Variants in TJP1 observed in about 807,000 individuals in gnomAD.
TJP1 encodes the protein tight junction protein ZO-1.
In TJP1, 43 loss-of-function variants were observed where a neutral mutation model predicts 194.2. The observed-to-expected ratio is 0.22, with a 90% CI of 0.17 to 0.29. TJP1 has a LOEUF of 0.29. TJP1 is among the 10% of genes least tolerant of loss of function. The pLI is 1.00. For missense variants in TJP1, 1,971 were observed against 2,185.7 expected (o/e 0.90, Z 1.96); for synonymous variants, 801 against 779.0 (o/e 1.03, Z -0.47).
At chr15:29,922,505 C>T (rs2054397799) in intron 2 of TJP1, among the ~76,000 whole-genome samples, 1 of 152,062 alleles carries the variant, frequency 6.6e-6, no homozygotes. Flanking sequence ...TTTTAAGTTT[C>T]TAAGAAAATC....
intron 2 of TJP1, among the ~76,000 whole-genome samples, chr15:29,923,639 A>G (rs1392777950): frequency 1.3e-5 from 2 of 152,208 alleles, no homozygotes; most frequent in Non-Finnish European, 2.9e-5. Flanking sequence ...TAGTGGTTGC[A>G]GACTTGGGAT....
At chr15:29,717,816 AAGATTTGTC>A (rs1306083185) in intron 22 of TJP1, among the ~76,000 whole-genome samples, 196 bp downstream of exon 22, 1 of 152,184 alleles carries the variant, frequency 6.6e-6, no homozygotes, top group Non-Finnish European at 1.5e-5. Flanking sequence ...TAAAGGTATA[AAGATTTGTC>A]AGATTTGTCA....
intron 27 of TJP1, among the ~76,000 whole-genome samples, chr15:29,702,899 G>T (rs184168846): frequency 2.6e-5 from 4 of 151,994 alleles, no homozygotes; most frequent in African/African-American, 9.6e-5. Context: ...AGATTTGGAA[G>T]CTAGACTTTA....
chr15:29,732,778 T>C lies in TJP1; in HGVS notation c.1774A>G (p.Lys592Glu). The change falls in exon 14 of 28, where the codon AAA becomes GAA. Residue 592 changes from lysine to glutamate, a missense_variant. Coordinates refer to ENST00000614355, the MANE Select transcript of TJP1 (RefSeq NM_001330239.4). ...TCAGCACGGTCTCCGCCTGCTGTTT[T>C]TGGAAGTGTATACTGTACACTGGCT... is the stretch of plus-strand genomic sequence containing the variant. Reference protein sequence around the residue: ...QLASVQYTLPKTAGGDRADFW... With the variant: ...QLASVQYTLPETAGGDRADFW... 6.2e-7 allele frequency: 1 copy of C among 1,613,818 alleles called. No individual in the cohort carries two copies.
chr15:29,909,011 T>G (rs2053923680), intron 2 of TJP1, among the ~76,000 whole-genome samples: 1 of 151,100 alleles, frequency 6.6e-6, no homozygotes, highest in South Asian at 2.1e-4. Flanking sequence ...AAAAAAATTA[T>G]CCGGGTGTGG....
intron 2 of TJP1, among the ~76,000 whole-genome samples, chr15:29,889,910 G>A (rs553503807): frequency 1.3e-5 from 2 of 152,302 alleles, no homozygotes; most frequent in African/African-American, 4.8e-5. Flanking sequence ...CTAACCACAG[G>A]AAAATGGTTA....
At chr15:29,752,056 G>A (rs2045319891) in intron 8 of TJP1, among the ~76,000 whole-genome samples, 1 of 151,566 alleles carries the variant, frequency 6.6e-6, no homozygotes, top group South Asian at 2.1e-4. Context: ...AGCCTCCTGA[G>A]TACCCAGGAT....
chr15:29,968,850 T>A, exon 1 of TJP1: 1 of 689,284 alleles, frequency 1.5e-6, no homozygotes, highest in Non-Finnish European at 1.9e-6. Flanking sequence ...AGATCAGCTC[T>A]GGGCCATCCG....
At chr15:29,869,297 A>G (rs1789804702) in intron 2 of TJP1, among the ~76,000 whole-genome samples, 1 of 152,176 alleles carries the variant, frequency 6.6e-6, no homozygotes, top group African/African-American at 2.4e-5. Context: ...ATTTCAACAC[A>G]GCTACAAAGG....
intron 1 of TJP1, among the ~76,000 whole-genome samples, chr15:29,963,136 C>T (rs911720746): frequency 2.0e-5 from 3 of 151,990 alleles, no homozygotes; most frequent in Admixed American, 6.6e-5. Flanking sequence ...AGTGAAACTT[C>T]GTCTCAAAAA....
chr15:29,907,512 G>A (rs1395110729), intron 2 of TJP1, among the ~76,000 whole-genome samples: 1 of 152,178 alleles, frequency 6.6e-6, no homozygotes, highest in Non-Finnish European at 1.5e-5. Context: ...TTATCTCTGA[G>A]CGATGAGATT....
At chr15:29,733,403 T>G in intron 12 of TJP1, 90 bp from the exon 13 acceptor site, 1 of 868,832 alleles carries the variant, frequency 1.2e-6, no homozygotes, top group Non-Finnish European at 1.8e-6. Context: ...TATGATAATA[T>G]CAATAATAAT....
chr15:29,870,741 T>C (rs542803628), intron 2 of TJP1, among the ~76,000 whole-genome samples: 89 of 152,340 alleles, frequency 5.8e-4, no homozygotes, highest in African/African-American at 2.0e-3. Flanking sequence ...GACTAACGAT[T>C]CTGCCTCAGT....
chr15:29,771,957 C>G, intron 4 of TJP1, 107 bp downstream of exon 4: 1 of 679,524 alleles, frequency 1.5e-6, no homozygotes, highest in Non-Finnish European at 2.4e-6. Flanking sequence ...AACTTTGGAA[C>G]TATTGTTTCA....
chr15:29,743,348 G>A (rs2044552042), intron 8 of TJP1, among the ~76,000 whole-genome samples: 1 of 152,126 alleles, frequency 6.6e-6, no homozygotes, highest in Non-Finnish European at 1.5e-5. Flanking sequence ...CAAACAGCTC[G>A]ATGTTAACTA....
At chr15:29,823,192 AT>A (rs973447536), upstream of TJP1, 3 of 152,320 alleles carry the variant, frequency 2.0e-5, no homozygotes, top group African/African-American at 7.2e-5. Context: ...GGCCATCAAG[AT>A]TGCTGAAATT....
intron 2 of TJP1, among the ~76,000 whole-genome samples, chr15:29,954,482 A>C (rs986304046): frequency 6.6e-6 from 1 of 152,220 alleles, no homozygotes; most frequent in Non-Finnish European, 1.5e-5. Flanking sequence ...AAATAATTTA[A>C]ATTTGTTTCT....
At position 29,705,521 on chromosome 15, in the gene TJP1, C is replaced by T. The variant is rs1262874465; in HGVS notation, c.5068+7G>A. The stretch of plus-strand genomic sequence containing the variant: ...TCAAAACTAAGGAGAAAAATAAACA[C>T]ATTTACCTTTCTCTTTATCTAAAGG... On this transcript the variant is annotated splice_region_variant and intron_variant, in intron 26 of 27. Transcript: ENST00000614355. 1.9e-6 allele frequency: 3 copies of T among 1,613,746 alleles called. 1 individual carries two copies. Among genetic ancestry groups the T allele is most frequent in the South Asian group, 2.2e-5 (2 of 91,036 alleles).
At chr15:29,875,159 C>T (rs139840391) in intron 2 of TJP1, among the ~76,000 whole-genome samples, 283 of 152,284 alleles carry the variant, frequency 1.9e-3, no homozygotes, top group Non-Finnish European at 3.2e-3. Flanking sequence ...AGTGTGAAAT[C>T]CAAGTCTGGC....
Sources: gnomAD v4.1 joint callset for allele counts (sites outside exome capture counted in the v4.1 genomes callset) on GRCh38, gnomAD v4.1.1 for gene constraint, MANE v1.5 for transcripts, NCBI Gene and HGNC (gene_info 2026-07-23, HGNC 2026-07-21) for gene names.